CENPI: variants seen among roughly 807,000 people sequenced by gnomAD.
The protein encoded by CENPI is centromere protein I.
CENPI carries 4 observed loss-of-function variants against 60.4 expected under a neutral mutation model. That is an observed-to-expected ratio of 0.07 (90% confidence interval 0.03 to 0.15). The LOEUF (loss-of-function observed/expected upper bound fraction) is 0.15. Among genes scored for constraint, CENPI ranks in the 10% least tolerant of loss-of-function variants. The probability of loss-of-function intolerance (pLI) is 1.00; values close to 1 mark genes in which losing one functional copy is unlikely to be tolerated. For synonymous variants in CENPI, 157 were observed against 189.4 expected (o/e 0.83, Z 1.40); for missense variants, 444 against 534.5 (o/e 0.83, Z 1.67).
intron 15 of CENPI, among the ~76,000 whole-genome samples, chrX:101,136,782 T>C (rs186147791): frequency 3.3e-3 from 366 of 112,100 alleles, no homozygotes; most frequent in African/African-American, 0.011. Flanking sequence ...GCAAACATAG[T>C]GGACATAAAA....
At chrX:101,149,144 T>A (rs1362465010) in intron 20 of CENPI, among the ~76,000 whole-genome samples, 1 of 110,867 alleles carries the variant, frequency 9.0e-6, no homozygotes, top group African/African-American at 3.3e-5. Context: ...AGGAGCAGAG[T>A]TTGAGGAAAA....
Position 101,102,406 on chromosome X carries a change from A to T in CENPI, c.359A>T (p.Lys120Ile). 1.7e-6 allele frequency: 2 copies of T among 1,167,202 alleles called. No homozygotes were observed. The highest frequency in any genetic ancestry group is 2.3e-6 in the Non-Finnish European group (2 of 873,789). ...CTATTAAATATTGCACTCAGTGGCAAATTTGGTATGTTGAGGAAATGCTTT... is the reference window on the plus strand; with the variant it reads ...CTATTAAATATTGCACTCAGTGGCATATTTGGTATGTTGAGGAAATGCTTT... ...DILLNIALSG[K>I]FGNAVNTRIL... The change falls in exon 4 of 22, where the codon AAA becomes ATA. Residue 120 changes from lysine (K) to isoleucine (I), a missense_variant. Coordinates refer to ENST00000682095, the MANE Select transcript of CENPI (RefSeq NM_001386188.2).
the CENPI span, among the ~76,000 whole-genome samples, chrX:101,181,473 A>G: frequency 6.8e-3 from 764 of 112,513 alleles, 7 homozygotes; most frequent in African/African-American, 0.024. Flanking sequence ...AGAAAACAAC[A>G]ACGTTTTGTA....
At chrX:101,127,925 C>G (rs192164491) in intron 11 of CENPI, among the ~76,000 whole-genome samples, 1 of 111,393 alleles carries the variant, frequency 9.0e-6, no homozygotes, top group Non-Finnish European at 1.9e-5. Flanking sequence ...AGGCTGGGCA[C>G]GGTGGCTCAT....
Position 101,132,268 on chromosome X carries a change from C to T in CENPI, c.1366C>T (p.Leu456Phe). The T allele has an allele frequency of 1.7e-6, 2 of 1,209,379 alleles. No individual in the cohort carries two copies. Among genetic ancestry groups the T allele is most frequent in the Non-Finnish European group, 2.2e-6 (2 of 893,929 alleles). The change falls in exon 14 of 22, where the codon CTT (leucine) becomes TTT (phenylalanine). Residue 456 changes from leucine to phenylalanine, a missense_variant. Coordinates refer to ENST00000682095, the MANE Select transcript of CENPI (RefSeq NM_001386188.2). ...TGGCCTTTGTTGTCGGTCACAGTTCCTTCAGCTTGTGAGCTGGATTCCTTT... is the reference window on the plus strand; with the variant it reads ...TGGCCTTTGTTGTCGGTCACAGTTCTTTCAGCTTGTGAGCTGGATTCCTTT... ...WDGLCCRSQF[L>F]QLVSWIPFSS...
intron 6 of CENPI, among the ~76,000 whole-genome samples, chrX:101,117,069 A>T (rs2089630901): frequency 9.0e-6 from 1 of 111,716 alleles, no homozygotes; most frequent in African/African-American, 3.3e-5. Context: ...TTCTTTCTGT[A>T]TTCTAGATAC....
At chrX:101,115,020 A>G (rs745647334) in intron 6 of CENPI, among the ~76,000 whole-genome samples, 104 of 105,607 alleles carry the variant, frequency 9.8e-4, no homozygotes, top group African/African-American at 3.5e-3. Context: ...CTGGAGTGCA[A>G]TGACGCGATC....
rs7884828 is a variant in CENPI, at chrX:101,128,851, A to T, written c.1195+15A>T. On this transcript the variant is annotated intron_variant, in intron 12 of 21. Coordinates refer to ENST00000682095, the MANE Select transcript of CENPI (RefSeq NM_001386188.2). ...ATTACAAGAAGGTAAGAATTGAGTG[A>T]GGATGGACCAAGATAGTTAACAAAT... is the stretch of plus-strand genomic sequence containing the variant. 3.3e-6 allele frequency: 4 copies of T among 1,203,007 alleles called. No homozygotes were observed. The South Asian group carries it at 5.4e-5, about 16-fold the overall frequency.
At chrX:101,115,768 A>G (rs1175936224) in intron 6 of CENPI, among the ~76,000 whole-genome samples, 1 of 111,758 alleles carries the variant, frequency 8.9e-6, no homozygotes, top group African/African-American at 3.3e-5. Flanking sequence ...CTTTTTCATT[A>G]CCCTAAACTG....
chrX:101,147,684 T>G (rs1479742396), intron 18 of CENPI, 79 bp from the exon 19 acceptor site: 1 of 760,523 alleles, frequency 1.3e-6, no homozygotes, highest in Non-Finnish European at 2.0e-6. Flanking sequence ...AATGTATGTT[T>G]TTTTTAAATT....
At position 101,104,852 on chromosome X, in the gene CENPI, G is replaced by GA. The variant is rs58910115; in HGVS notation, c.364+2456dup. 3.1e-3 allele frequency among the ~76,000 whole-genome samples: 276 copies of GA among 88,905 alleles called. 2 individuals are homozygous for GA. Among genetic ancestry groups the GA allele is most frequent in the African/African-American group, 7.9e-3 (191 of 24,094 alleles). The allele number at this position is 88,905 out of a possible 115,157, so 77.2% of individuals were successfully genotyped here. ...CCACAGAGCAAGACCCTGTCTCTGG[G>GA]AAAAAAAAAAAAAAAGAAAAATTAA... On this transcript the variant is annotated intron_variant, in intron 4 of 21. Coordinates refer to ENST00000682095, the MANE Select transcript of CENPI (RefSeq NM_001386188.2).
the CENPI span, among the ~76,000 whole-genome samples, chrX:101,180,536 G>T: frequency 8.9e-6 from 1 of 111,915 alleles, no homozygotes; most frequent in Non-Finnish European, 1.9e-5. Flanking sequence ...TATATGATTT[G>T]CAAATAGCAG....
intron 20 of CENPI, among the ~76,000 whole-genome samples, chrX:101,149,632 G>A (rs773375563): frequency 1.1e-4 from 12 of 108,606 alleles, no homozygotes; most frequent in Non-Finnish European, 1.9e-4. Context: ...TCAGCCTCCC[G>A]AATAGCTGGG....
intron 5 of CENPI, 150 bp downstream of exon 5, chrX:101,109,741 C>A: frequency 1.7e-6 from 1 of 578,945 alleles, no homozygotes; most frequent in Non-Finnish European, 2.8e-6. Flanking sequence ...TATGTTCAAA[C>A]AGAAATTTTT....
intron 3 of CENPI, 98 bp downstream of exon 3, chrX:101,101,394 C>A: frequency 1.6e-6 from 1 of 613,255 alleles, no homozygotes; most frequent in Non-Finnish European, 2.5e-6. Context: ...TAATTTTGCT[C>A]ATTCATGCTT....
intron 6 of CENPI, among the ~76,000 whole-genome samples, chrX:101,115,177 T>G (rs939097825): frequency 1.8e-5 from 2 of 110,738 alleles, no homozygotes; most frequent in African/African-American, 6.6e-5. Context: ...TTGGCCAGGC[T>G]GGTCTCAAAT....
intron 6 of CENPI, among the ~76,000 whole-genome samples, chrX:101,118,847 T>C (rs929573795): frequency 1.8e-5 from 2 of 111,680 alleles, no homozygotes; most frequent in African/African-American, 6.5e-5. Context: ...CTCTGTGTAG[T>C]ATATGGCAGA....
chrX:101,160,627 A>T (rs1281741070), intron 20 of CENPI, among the ~76,000 whole-genome samples: 1 of 108,693 alleles, frequency 9.2e-6, no homozygotes, highest in Non-Finnish European at 1.9e-5. Flanking sequence ...TGACCTTATA[A>T]TCCACCTGCC....
rs936223299 is a variant in CENPI at position 101,154,140 on chromosome X, C to T, written c.2094+5979C>T. ...CATGCCAGTAAATGCTGTCTTGATC[C>T]GTATAGCTTTGTAGTAAGCTTTGAA... On this transcript the variant is annotated intron_variant, in intron 20 of 21. Transcript: ENST00000682095. 2.8e-4 allele frequency among the ~76,000 whole-genome samples: 31 copies of T among 111,874 alleles called. No homozygotes were observed. The Middle Eastern group carries it at 0.014, about 49-fold the overall frequency.
Sources: gnomAD v4.1 joint callset for allele counts (sites outside exome capture counted in the v4.1 genomes callset) on GRCh38, gnomAD v4.1.1 for gene constraint, MANE v1.5 for transcripts, NCBI Gene and HGNC (gene_info 2026-07-23, HGNC 2026-07-21) for gene names.